Variants in SGCZ observed in about 807,000 individuals in gnomAD.
SGCZ encodes the protein zeta-sarcoglycan.
Under a neutral mutation model 41.3 loss-of-function variants are expected in SGCZ, and 40 were observed. The observed-to-expected ratio is 0.97, with a 90% CI of 0.75 to 1.26. The LOEUF is 1.26. SGCZ is among the 50% of genes most tolerant of loss of function. SGCZ has a pLI of 0.00. For synonymous variants in SGCZ, 206 were observed against 137.5 expected (o/e 1.50, Z -3.49); for missense variants, 552 against 369.8 (o/e 1.49, Z -4.04).
chr8:14,090,301 G>A lies in SGCZ; in HGVS notation c.*142C>T. ...ACAGTAAATCACAAGAGAAGGTGGT[G>A]GCGAATCCCTGCTCACACTGGAAGT... On this transcript the variant is annotated 3_prime_UTR_variant, in exon 8 of 8. Coordinates refer to ENST00000382080, the MANE Select transcript of SGCZ (RefSeq NM_139167.4). The A allele has an allele frequency of 1.3e-6, 1 of 752,816 alleles. No individual in the cohort carries two copies. Among genetic ancestry groups the A allele is most frequent in the South Asian group, 2.5e-5 (1 of 40,304 alleles). The allele number at this position is 752,816 out of a possible 1,614,324, so 46.6% of individuals were successfully genotyped here.
intron 1 of SGCZ, among the ~76,000 whole-genome samples, chr8:15,049,437 G>C (rs962971714): frequency 2.6e-5 from 4 of 152,114 alleles, no homozygotes; most frequent in Admixed American, 2.6e-4. Context: ...CAATGGAAAG[G>C]GATTTTGAAT....
At chr8:15,016,226 C>T (rs1000006810) in intron 1 of SGCZ, among the ~76,000 whole-genome samples, 1 of 152,164 alleles carries the variant, frequency 6.6e-6, no homozygotes, top group Non-Finnish European at 1.5e-5. Context: ...CTTCCCATCC[C>T]ATCCCCTCTC....
At chr8:14,781,528 C>A (rs775687895) in intron 1 of SGCZ, among the ~76,000 whole-genome samples, 4 of 152,050 alleles carry the variant, frequency 2.6e-5, no homozygotes, top group Non-Finnish European at 4.4e-5. Flanking sequence ...CACGCCCAGA[C>A]TAAAAATATG....
At chr8:15,175,527 G>A (rs943531318) in intron 1 of SGCZ, among the ~76,000 whole-genome samples, 1 of 152,042 alleles carries the variant, frequency 6.6e-6, no homozygotes, top group East Asian at 1.9e-4. Flanking sequence ...ACACACTGGG[G>A]CCTGTTGGAG....
chr8:14,323,652 C>A (rs548183646), intron 3 of SGCZ, among the ~76,000 whole-genome samples: 1 of 152,046 alleles, frequency 6.6e-6, no homozygotes. Flanking sequence ...TCACGTACAT[C>A]CAGAAATTAA....
intron 1 of SGCZ, among the ~76,000 whole-genome samples, chr8:15,105,183 T>A (rs766572247): frequency 6.6e-6 from 1 of 152,218 alleles, no homozygotes; most frequent in Non-Finnish European, 1.5e-5. Context: ...TACACATTTG[T>A]CTATTAATCC....
chr8:14,901,854 A>G (rs548966698), intron 1 of SGCZ, among the ~76,000 whole-genome samples: 1 of 152,322 alleles, frequency 6.6e-6, no homozygotes, highest in Non-Finnish European at 1.5e-5. Context: ...ACAAGAAAAC[A>G]GAATATCCTA....
intron 1 of SGCZ, among the ~76,000 whole-genome samples, chr8:14,721,679 C>T (rs182703182): frequency 2.8e-4 from 42 of 152,278 alleles, no homozygotes; most frequent in Admixed American, 2.3e-3. Flanking sequence ...TGTCCTTTTC[C>T]TATTTCAGCA....
chr8:15,198,754 A>G (rs138609343), intron 1 of SGCZ, among the ~76,000 whole-genome samples: 258 of 152,284 alleles, frequency 1.7e-3, no homozygotes, highest in South Asian at 6.2e-3. Flanking sequence ...TAAATACACA[A>G]TATTGAGCAT....
intron 1 of SGCZ, among the ~76,000 whole-genome samples, chr8:14,878,870 A>G (rs1027164622): frequency 1.3e-5 from 2 of 152,204 alleles, no homozygotes; most frequent in African/African-American, 4.8e-5. Context: ...GTGAATGTGA[A>G]TACATTAGTG....
At chr8:14,206,256 A>T (rs1226649566) in intron 4 of SGCZ, among the ~76,000 whole-genome samples, 1 of 152,168 alleles carries the variant, frequency 6.6e-6, no homozygotes, top group African/African-American at 2.4e-5. Flanking sequence ...TTTAAATTAT[A>T]GTGTAAGAAA....
At chr8:15,038,681 T>A (rs1803958086) in intron 1 of SGCZ, among the ~76,000 whole-genome samples, 1 of 151,354 alleles carries the variant, frequency 6.6e-6, no homozygotes, top group African/African-American at 2.4e-5. Flanking sequence ...ACCCAGAGAA[T>A]GGTAAGAAAA....
chr8:14,149,550 T>G (rs1803630997), intron 5 of SGCZ, among the ~76,000 whole-genome samples: 2 of 151,870 alleles, frequency 1.3e-5, no homozygotes, highest in Admixed American at 6.6e-5. Flanking sequence ...AAATAGTTCA[T>G]GTATATGGAT....
intron 5 of SGCZ, among the ~76,000 whole-genome samples, chr8:14,122,472 T>G (rs1802729642): frequency 6.6e-6 from 1 of 152,178 alleles, no homozygotes; most frequent in Non-Finnish European, 1.5e-5. Flanking sequence ...TACAAGGATG[T>G]TAAGAACAGT....
chr8:15,092,232 A>G (rs949949436), intron 1 of SGCZ, among the ~76,000 whole-genome samples: 3 of 152,206 alleles, frequency 2.0e-5, no homozygotes, highest in African/African-American at 7.2e-5. Flanking sequence ...TAGTTTAGCT[A>G]TCTGCTTCAC....
At chr8:15,015,647 C>G (rs1488469176) in intron 1 of SGCZ, among the ~76,000 whole-genome samples, 4 of 133,618 alleles carry the variant, frequency 3.0e-5, no homozygotes, top group Non-Finnish European at 3.1e-5. Flanking sequence ...GAAATCACGC[C>G]ACTGCACTCC....
At chr8:14,653,002 T>A (rs1458602153) in intron 1 of SGCZ, among the ~76,000 whole-genome samples, 2 of 152,134 alleles carry the variant, frequency 1.3e-5, no homozygotes, top group African/African-American at 4.8e-5. Flanking sequence ...ATACATGCAA[T>A]TGTTAATATC....
At chr8:15,061,343 T>G (rs752299432) in intron 1 of SGCZ, among the ~76,000 whole-genome samples, 11 of 151,752 alleles carry the variant, frequency 7.2e-5, no homozygotes, top group Admixed American at 2.0e-4. Context: ...TGAGAACACA[T>G]GGACACAGGG....
Position 15,237,547 on chromosome 8 carries a change from G to A in SGCZ, c.39+38C>T, listed in dbSNP as rs1399124255. On this transcript the variant is annotated intron_variant, in intron 1 of 7. Transcript: ENST00000382080. ...AGGAGAGGGGAGAGCAGGGAGCGCC[G>A]AGAAGCGGCCGCGAAGCCCGCCCGG... is the stretch of plus-strand genomic sequence containing the variant. 3.8e-6 allele frequency: 6 copies of A among 1,579,122 alleles called. No homozygotes were observed. The Admixed American group carries it at 5.3e-5, about 14-fold the overall frequency.
Sources: allele counts gnomAD v4.1 joint callset (sites outside exome capture counted in the v4.1 genomes callset), GRCh38; gene constraint gnomAD v4.1.1; transcripts MANE v1.5; gene names NCBI Gene and HGNC (gene_info 2026-07-23, HGNC 2026-07-21).